Variants in COL24A1 observed in about 807,000 individuals in gnomAD.
COL24A1 encodes the protein collagen alpha-1(XXIV) chain.
COL24A1 carries 224 observed loss-of-function variants against 253.9 expected under a neutral mutation model. That is an observed-to-expected ratio of 0.88 (90% CI 0.79 to 0.99). COL24A1 has a LOEUF of 0.99. Ranked by LOEUF, COL24A1 falls within the 50% of genes least tolerant of loss-of-function variation. The pLI is 0.00. For missense variants in COL24A1, 2,131 were observed against 2,068.5 expected (o/e 1.03, Z -0.59); for synonymous variants, 685 against 673.7 (o/e 1.02, Z -0.26).
intron 5 of COL24A1, among the ~76,000 whole-genome samples, chr1:86,106,984 T>C (rs1321099919): frequency 6.6e-6 from 1 of 152,240 alleles, no homozygotes; most frequent in Admixed American, 6.5e-5. Flanking sequence ...TCACTCTTCA[T>C]AGAATTTCTA....
chr1:85,851,650 A>G (rs1041410221), intron 37 of COL24A1, among the ~76,000 whole-genome samples: 4 of 152,170 alleles, frequency 2.6e-5, no homozygotes, highest in African/African-American at 9.7e-5. Flanking sequence ...TGATGTTATC[A>G]TTTCAATTTA....
At chr1:86,020,061 C>CTTTTTTTTTTTTTTTTTTTTTTT (rs10582249) in intron 18 of COL24A1, among the ~76,000 whole-genome samples, 1 of 102,594 alleles carries the variant, frequency 9.7e-6, no homozygotes, top group Non-Finnish European at 2.0e-5. Context: ...TTCATTCTTT[C>CTTTTTTTTTTTTTTTTTTTTTTT]TTTTTTTTTT....
chr1:85,805,173 G>T (rs1178939762), intron 47 of COL24A1, among the ~76,000 whole-genome samples: 1 of 152,176 alleles, frequency 6.6e-6, no homozygotes, highest in Non-Finnish European at 1.5e-5. Flanking sequence ...AATTTTAGAT[G>T]TATTCCCTGT....
At chr1:85,955,305 C>T (rs951896877) in intron 24 of COL24A1, among the ~76,000 whole-genome samples, 8 of 152,344 alleles carry the variant, frequency 5.3e-5, no homozygotes, top group Admixed American at 2.6e-4. Context: ...TGAGAACAAC[C>T]TCCATCACTC....
chr1:85,767,149 A>G (rs1016635110), intron 53 of COL24A1, among the ~76,000 whole-genome samples: 3 of 151,552 alleles, frequency 2.0e-5, no homozygotes, highest in Admixed American at 1.3e-4. Flanking sequence ...TGACAAACCA[A>G]TTTGATAGAT....
chr1:86,087,951 C>T (rs1703190056), intron 7 of COL24A1, among the ~76,000 whole-genome samples: 1 of 152,142 alleles, frequency 6.6e-6, no homozygotes, highest in Non-Finnish European at 1.5e-5. Flanking sequence ...GTAAAATACT[C>T]TCATGAGTAC....
intron 12 of COL24A1, among the ~76,000 whole-genome samples, chr1:86,038,832 C>T (rs1571700023): frequency 6.6e-6 from 1 of 152,132 alleles, no homozygotes; most frequent in South Asian, 2.1e-4. Context: ...AGCAAGTGAG[C>T]CTCCTTAAAA....
intron 32 of COL24A1, among the ~76,000 whole-genome samples, chr1:85,881,562 T>C (rs553540244): frequency 1.7e-4 from 26 of 151,988 alleles, no homozygotes; most frequent in African/African-American, 5.8e-4. Context: ...GAGGTGGAGG[T>C]TGCAGTGAGC....
At chr1:86,019,217 A>G (rs1401362978) in intron 18 of COL24A1, among the ~76,000 whole-genome samples, 1 of 152,134 alleles carries the variant, frequency 6.6e-6, no homozygotes, top group African/African-American at 2.4e-5. Context: ...GTCTCCTTCT[A>G]TAAGAAGGAA....
intron 43 of COL24A1, among the ~76,000 whole-genome samples, chr1:85,837,654 A>G (rs1228342753): frequency 6.6e-6 from 1 of 152,200 alleles, no homozygotes; most frequent in Non-Finnish European, 1.5e-5. Flanking sequence ...ATAGCAACAG[A>G]ATGTGGTAAA....
intron 23 of COL24A1, among the ~76,000 whole-genome samples, chr1:85,963,776 A>G (rs1691297290): frequency 6.6e-6 from 1 of 152,154 alleles, no homozygotes; most frequent in Non-Finnish European, 1.5e-5. Flanking sequence ...TAGGGAGAGA[A>G]AGTATATACA....
At chr1:85,841,961 A>G (rs1676659644) in intron 41 of COL24A1, 107 bp downstream of exon 41, 1 of 925,142 alleles carries the variant, frequency 1.1e-6, no homozygotes. Context: ...TTTCAACTTT[A>G]AAAGTGCTTC....
chr1:85,887,487 T>C (rs923017593), intron 32 of COL24A1, among the ~76,000 whole-genome samples: 2 of 152,100 alleles, frequency 1.3e-5, no homozygotes, highest in Non-Finnish European at 2.9e-5. Context: ...TTTTTTTTTT[T>C]TCAAGGGCAA....
chr1:86,007,687 T>C (rs1005251832), intron 19 of COL24A1, among the ~76,000 whole-genome samples: 51 of 152,266 alleles, frequency 3.3e-4, no homozygotes, highest in Non-Finnish European at 7.4e-5. Flanking sequence ...TGCATATTAA[T>C]ATGTAAAAGA....
chr1:85,847,553 TG>T, intron 39 of COL24A1, 111 bp downstream of exon 39: 1 of 699,820 alleles, frequency 1.4e-6, no homozygotes. Flanking sequence ...TTATTTTCAA[TG>T]GAACTATTGC....
At chr1:85,730,865 G>A (rs933259609) in intron 59 of COL24A1, among the ~76,000 whole-genome samples, 173 bp from the exon 60 acceptor site, 1 of 152,146 alleles carries the variant, frequency 6.6e-6, no homozygotes, top group Non-Finnish European at 1.5e-5. Flanking sequence ...TTGAAAACCT[G>A]GACTTATTCC....
At chr1:86,010,165 G>T (rs1466128602) in intron 19 of COL24A1, among the ~76,000 whole-genome samples, 1 of 152,064 alleles carries the variant, frequency 6.6e-6, no homozygotes, top group African/African-American at 2.4e-5. Context: ...ATAGGAAAAG[G>T]TTCTCTAATG....
chr1:85,889,293 T>C (rs1186767023), intron 32 of COL24A1, among the ~76,000 whole-genome samples: 1 of 152,126 alleles, frequency 6.6e-6, no homozygotes, highest in Non-Finnish European at 1.5e-5. Context: ...AGAGAATTTC[T>C]GAGATTCAAT....
chr1:86,156,264 A>G, intron 1 of COL24A1, 77 bp downstream of exon 1: 1 of 1,422,724 alleles, frequency 7.0e-7, no homozygotes, highest in South Asian at 1.3e-5. Context: ...TCAGATCTCC[A>G]TCAGGCTCAG....
Sources: gnomAD v4.1 joint callset for allele counts (sites outside exome capture counted in the v4.1 genomes callset) on GRCh38, gnomAD v4.1.1 for gene constraint, MANE v1.5 for transcripts, NCBI Gene and HGNC (gene_info 2026-07-23, HGNC 2026-07-21) for gene names.